CD59: variants seen among roughly 807,000 people sequenced by gnomAD.
The protein encoded by CD59 is CD59 glycoprotein.
Under a neutral mutation model 7.0 loss-of-function variants are expected in CD59, and 3 were observed. That is an observed-to-expected ratio of 0.43 (90% CI 0.19 to 1.10). The LOEUF is 1.10. Ranked by LOEUF, CD59 falls within the 50% of genes least tolerant of loss-of-function variation. The pLI, the probability that CD59 is intolerant of heterozygous loss-of-function variation, is 0.29. For synonymous variants in CD59, 60 were observed against 62.0 expected (o/e 0.97, Z 0.15); for missense variants, 143 against 151.0 (o/e 0.95, Z 0.28).
rs750381382 is a variant in CD59 at position 33,722,433 on chromosome 11, C to T, written c.13G>A (p.Gly5Arg). The part of the protein sequence containing the change: MGIQ[G>R]GSVLFGLLLV... ...AGCAGCCCGAACAGGACAGACCCTC[C>T]TTGGATTCCCATTGTGATTGTCCAC... The change falls in exon 2 of 4, where the codon GGA becomes AGA. Residue 5 changes from glycine to arginine, a missense_variant. Physicochemically the swap from Gly to Arg is moderately radical, Grantham distance 125 (BLOSUM62 -2). Coordinates refer to ENST00000642928, the MANE Select transcript of CD59 (RefSeq NM_000611.6). 2 of 1,614,000 alleles carry T rather than the reference C, an allele frequency of 1.2e-6. No individual in the cohort carries two copies. The highest frequency in any genetic ancestry group is 1.7e-6 in the Non-Finnish European group (2 of 1,179,908).
intron 3 of CD59, among the ~76,000 whole-genome samples, chr11:33,716,065 C>T (rs773845917): frequency 5.3e-5 from 8 of 152,204 alleles, no homozygotes; most frequent in East Asian, 3.8e-4. Flanking sequence ...GGCCTTACTA[C>T]GCTTCCTACA....
chr11:33,732,975 C>A (rs1045517872), intron 1 of CD59, among the ~76,000 whole-genome samples: 1 of 152,040 alleles, frequency 6.6e-6, no homozygotes, highest in Non-Finnish European at 1.5e-5. Context: ...GACTCATGAC[C>A]GACAACAGAA....
chr11:33,731,246 T>C (rs1854407865), intron 1 of CD59, among the ~76,000 whole-genome samples: 1 of 142,230 alleles, frequency 7.0e-6, no homozygotes, highest in Admixed American at 6.7e-5. Flanking sequence ...TAAACATATA[T>C]AATATATATT....
rs76087355 is a variant in CD59 at position 33,717,309 on chromosome 11, T to C, written c.169+61A>G. On this transcript the variant is annotated intron_variant, in intron 3 of 3. Coordinates refer to ENST00000642928, the MANE Select transcript of CD59 (RefSeq NM_000611.6). ...CCTAATGAGGATTACAGTGGCACAA[T>C]TTTTTTCCCAGGCACTTATTACCCC... 6.6e-6 allele frequency: 7 copies of C among 1,058,412 alleles called. No individual in the cohort carries two copies. The African/African-American group carries it at 7.8e-5, about 12-fold the overall frequency. The allele number at this position is 1,058,412 out of a possible 1,614,324, so 65.6% of individuals were successfully genotyped here. A position where few individuals can be genotyped will look rare whatever the true frequency, so the allele number is the denominator to read the frequency against.
At position 33,722,160 on chromosome 11, in the gene CD59, CGCTGTAACTCAGGACGG is replaced by C. The variant is rs553816967; in HGVS notation, c.67+202_67+218del. 2.2e-4 allele frequency among the ~76,000 whole-genome samples: 33 copies of C among 152,270 alleles called. No homozygotes were observed. In the East Asian group the frequency reaches 6.0e-3, roughly 28 times the overall value. On this transcript the variant is annotated intron_variant, in intron 2 of 3. Transcript: ENST00000642928. Reference sequence around the variant, plus strand: ...GTTGACCCACCCCTGCCAAAAGCCACGCTGTAACTCAGGACGGGCTGTAACTCAGGACGATGCCCCAC... The same window carrying C: ...GTTGACCCACCCCTGCCAAAAGCCACGCTGTAACTCAGGACGATGCCCCAC...
rs1853281250 is a variant in CD59 at position 33,705,691 on chromosome 11, T to C, written c.*4435A>G. On this transcript the variant is annotated 3_prime_UTR_variant, in exon 4 of 4. Coordinates refer to ENST00000642928, the MANE Select transcript of CD59 (RefSeq NM_000611.6). ...TCTAACCCAGCTTGCAGACGGCCTA[T>C]TGTGCGACTTCGCCTTCTAACTGTG... 6.6e-6 allele frequency: 1 copy of C among 152,236 alleles called. No individual in the cohort carries two copies. Among genetic ancestry groups the C allele is most frequent in the East Asian group, 1.9e-4 (1 of 5,206 alleles). The allele number at this position is 152,236 out of a possible 1,614,324, so 9.4% of individuals were successfully genotyped here.
chr11:33,719,184 T>C (rs1398307752), intron 2 of CD59: 1 of 152,250 alleles, frequency 6.6e-6, no homozygotes, highest in Non-Finnish European at 1.5e-5. Flanking sequence ...GTCCTCACTT[T>C]CTGAGCACAC....
intron 1 of CD59, among the ~76,000 whole-genome samples, chr11:33,727,132 C>T (rs1481191815): frequency 1.3e-5 from 2 of 152,134 alleles, no homozygotes; most frequent in East Asian, 3.9e-4. Context: ...TGAAACTATT[C>T]CAATCAATAG....
At chr11:33,724,823 C>A (rs1037545748) in intron 1 of CD59, among the ~76,000 whole-genome samples, 6 of 152,136 alleles carry the variant, frequency 3.9e-5, no homozygotes. Context: ...CCATGACATG[C>A]TGCAGGGGAA....
Position 33,710,059 on chromosome 11 carries a change from T to C in CD59, c.*67A>G. 8.3e-7 allele frequency: 1 copy of C among 1,198,024 alleles called. No individual in the cohort carries two copies. The highest frequency in any genetic ancestry group is 1.3e-5 in the South Asian group (1 of 78,158). The allele number at this position is 1,198,024 out of a possible 1,614,324, so 74.2% of individuals were successfully genotyped here. ...TTTGGAAAATATCAAGCCTTTAGAA[T>C]GTGGCAGCAAGAGAAAGCGGACTAC... On this transcript the variant is annotated 3_prime_UTR_variant, in exon 4 of 4. Transcript: ENST00000642928.
rs572057456 is a variant in CD59, at chr11:33,727,423, A to G, written c.-18-4960T>C. 3.5e-4 allele frequency among the ~76,000 whole-genome samples: 53 copies of G among 152,348 alleles called. No homozygotes were observed. The East Asian group carries it at 0.01, about 29-fold the overall frequency. ...ATAAACAGAACCAACGACAAAAACC[A>G]CATGATTATCTCAATAGACACAGAA... On this transcript the variant is annotated intron_variant, in intron 1 of 3. Coordinates refer to ENST00000642928, the MANE Select transcript of CD59 (RefSeq NM_000611.6).
rs1405924266 is a variant in CD59, at chr11:33,709,622, G to C, written c.*504C>G. ...AGAAGTCCTCTAGCTCTGCATTAAG[G>C]ATCTTGTTGTCCCTGACTGACACCC... On this transcript the variant is annotated 3_prime_UTR_variant, in exon 4 of 4. Transcript: ENST00000642928. 1 of 200,674 alleles carries C rather than the reference G, an allele frequency of 5.0e-6. No homozygotes were observed. Among genetic ancestry groups the C allele is most frequent in the African/African-American group, 2.3e-5 (1 of 42,988 alleles). The allele number at this position is 200,674 out of a possible 1,614,324, so 12.4% of individuals were successfully genotyped here.
chr11:33,730,124 C>G (rs73484914), intron 1 of CD59, among the ~76,000 whole-genome samples: 1,677 of 152,130 alleles, frequency 0.011, 41 homozygotes, highest in African/African-American at 0.038. Context: ...ATACACAAAT[C>G]TATTATAAAG....
chr11:33,711,694 A>G (rs984918046), intron 3 of CD59, among the ~76,000 whole-genome samples: 2 of 152,194 alleles, frequency 1.3e-5, no homozygotes, highest in African/African-American at 4.8e-5. Flanking sequence ...AAAAATGGGC[A>G]AAGGATTTGA....
intron 1 of CD59, among the ~76,000 whole-genome samples, chr11:33,725,627 A>C (rs539355312): frequency 9.2e-5 from 14 of 152,324 alleles, no homozygotes; most frequent in Non-Finnish European, 1.5e-5. Context: ...TTGACTCTAA[A>C]GTCATTTCCG....
At chr11:33,721,950 T>G (rs1304639775) in intron 2 of CD59, among the ~76,000 whole-genome samples, 1 of 152,188 alleles carries the variant, frequency 6.6e-6, no homozygotes, top group Non-Finnish European at 1.5e-5. Context: ...AGTTAGCTGC[T>G]GCTGCTGTCA....
intron 3 of CD59, among the ~76,000 whole-genome samples, chr11:33,712,169 A>C (rs1431277082): frequency 2.0e-5 from 3 of 152,258 alleles, no homozygotes. Context: ...TCATTAGATT[A>C]TTCAGTAATA....
Position 33,710,013 on chromosome 11 carries a change from A to G in CD59, c.*113T>C, listed in dbSNP as rs765997205. ...TAGCCAGGTTGCTCAAGCTAATTTT[A>G]TTCTTTCCCAACAGGATCCATTTGG... On this transcript the variant is annotated 3_prime_UTR_variant, in exon 4 of 4. Coordinates refer to ENST00000642928, the MANE Select transcript of CD59 (RefSeq NM_000611.6). The G allele has an allele frequency of 2.1e-5, 19 of 898,518 alleles. No homozygotes were observed. The highest frequency in any genetic ancestry group is 3.2e-5 in the Non-Finnish European group (18 of 557,942). 55.7% of individuals were successfully genotyped at this position (898,518 alleles called of 1,614,324 possible). A position where few individuals can be genotyped will look rare whatever the true frequency, so the allele number is the denominator to read the frequency against.
Position 33,708,422 on chromosome 11 carries a change from C to T in CD59, c.*1704G>A, listed in dbSNP as rs1430228608. On this transcript the variant is annotated 3_prime_UTR_variant, in exon 4 of 4. Coordinates refer to ENST00000642928, the MANE Select transcript of CD59 (RefSeq NM_000611.6). ...TCCTGAGAGAGGCTTCCAAAACTGTCGACTCCTGGCTTTCTGGAGTGTGGC... is the reference window on the plus strand; with the variant it reads ...TCCTGAGAGAGGCTTCCAAAACTGTTGACTCCTGGCTTTCTGGAGTGTGGC... The T allele has an allele frequency of 1.3e-5, 2 of 152,062 alleles. No homozygotes were observed. The highest frequency in any genetic ancestry group is 1.9e-4 in the East Asian group (1 of 5,180). The allele number at this position is 152,062 out of a possible 1,614,324, so 9.4% of individuals were successfully genotyped here.
Sources: allele counts gnomAD v4.1 joint callset (sites outside exome capture counted in the v4.1 genomes callset), GRCh38; gene constraint gnomAD v4.1.1; transcripts MANE v1.5; gene names NCBI Gene and HGNC (gene_info 2026-07-23, HGNC 2026-07-21).